Variants in SCN8A observed in about 807,000 individuals in gnomAD.
SCN8A encodes the protein sodium voltage-gated channel alpha subunit 8, also known as sodium channel protein type 8 subunit alpha.
A neutral mutation model predicts 184.1 loss-of-function variants in SCN8A; 30 were observed. That is an observed-to-expected ratio of 0.16 (90% confidence interval 0.12 to 0.22). The LOEUF (loss-of-function observed/expected upper bound fraction) is 0.22. Among genes scored for constraint, SCN8A ranks in the 10% least tolerant of loss-of-function variants. The pLI is 1.00. For synonymous variants in SCN8A, 852 were observed against 907.0 expected (o/e 0.94, Z 1.09); for missense variants, 1,057 against 2,498.9 (o/e 0.42, Z 12.30).
intron 6 of SCN8A, among the ~76,000 whole-genome samples, chr12:51,694,021 C>G (rs960365171): frequency 6.6e-6 from 1 of 152,214 alleles, no homozygotes; most frequent in African/African-American, 2.4e-5. Context: ...CAACCGCCAC[C>G]TCCTGGGTTC....
chr12:51,735,556 G>A (rs1183897113), intron 12 of SCN8A, among the ~76,000 whole-genome samples: 1 of 152,162 alleles, frequency 6.6e-6, no homozygotes, highest in Admixed American at 6.5e-5. Flanking sequence ...TCACGACAGT[G>A]GTGATAACCA....
intron 12 of SCN8A, among the ~76,000 whole-genome samples, chr12:51,727,490 A>G (rs1025555403): frequency 6.6e-6 from 1 of 152,076 alleles, no homozygotes; most frequent in Admixed American, 6.5e-5. Flanking sequence ...TTGGATCTCA[A>G]CATAGTTGGA....
At chr12:51,620,823 A>G (rs1939944357) in intron 1 of SCN8A, among the ~76,000 whole-genome samples, 1 of 150,898 alleles carries the variant, frequency 6.6e-6, no homozygotes, top group African/African-American at 2.5e-5. Flanking sequence ...CACCATCTCT[A>G]TTTAAAAAAA....
intron 14 of SCN8A, among the ~76,000 whole-genome samples, chr12:51,755,860 A>G (rs73299704): frequency 0.092 from 14,056 of 152,124 alleles, 1,293 homozygotes; most frequent in African/African-American, 0.24. Context: ...CCTCGTTGCC[A>G]CTATCTTTGG....
At chr12:51,712,891 C>A (rs1251782815) in intron 11 of SCN8A, 5 of 1,567,832 alleles carry the variant, frequency 3.2e-6, no homozygotes, top group Non-Finnish European at 3.5e-6. Context: ...GTTTCCACCA[C>A]GGCCAAAATT....
chr12:51,685,877 A>G (rs752955039), intron 3 of SCN8A, among the ~76,000 whole-genome samples: 16 of 152,218 alleles, frequency 1.1e-4, no homozygotes, highest in Admixed American at 8.5e-4. Context: ...TCTCTTAAAA[A>G]AGAACAACAA....
intron 20 of SCN8A, among the ~76,000 whole-genome samples, chr12:51,778,815 C>T (rs1937794994): frequency 6.6e-6 from 1 of 151,906 alleles, no homozygotes; most frequent in African/African-American, 2.4e-5. Context: ...AAAATATCAT[C>T]AATTTAAGTA....
intron 12 of SCN8A, among the ~76,000 whole-genome samples, chr12:51,737,562 A>G (rs1225926196): frequency 1.3e-5 from 2 of 152,216 alleles, no homozygotes; most frequent in Admixed American, 6.5e-5. Flanking sequence ...AAGTCATTTA[A>G]TGTTTTTAGT....
chr12:51,665,452 G>GAAA (rs1222507717), intron 2 of SCN8A, among the ~76,000 whole-genome samples: 2 of 152,100 alleles, frequency 1.3e-5, no homozygotes, highest in African/African-American at 4.8e-5. Context: ...CCACCATACA[G>GAAA]AAAAGCTCAT....
chr12:51,693,263 A>C (rs572244681), intron 6 of SCN8A, among the ~76,000 whole-genome samples: 1 of 152,252 alleles, frequency 6.6e-6, no homozygotes, highest in Admixed American at 6.5e-5. Context: ...TTGCCTTTGT[A>C]TTTCTCCTTT....
At chr12:51,733,402 T>C (rs1253103332) in intron 12 of SCN8A, among the ~76,000 whole-genome samples, 1 of 152,220 alleles carries the variant, frequency 6.6e-6, no homozygotes, top group Non-Finnish European at 1.5e-5. Context: ...CAGAGATAAA[T>C]CCAACTTGGT....
intron 1 of SCN8A, among the ~76,000 whole-genome samples, chr12:51,594,160 C>G (rs566833999): frequency 6.6e-6 from 1 of 152,348 alleles, no homozygotes; most frequent in East Asian, 1.9e-4. Flanking sequence ...ATACAGGAAT[C>G]TCCTTTATGG....
At chr12:51,599,187 T>C (rs1939412546) in intron 1 of SCN8A, among the ~76,000 whole-genome samples, 1 of 152,184 alleles carries the variant, frequency 6.6e-6, no homozygotes. Context: ...CTATGGGATA[T>C]ATAAAAGATA....
intron 6 of SCN8A, 31 bp downstream of exon 6, chr12:51,689,127 G>A (rs777424179): frequency 6.7e-7 from 1 of 1,488,966 alleles, no homozygotes; most frequent in South Asian, 1.2e-5. Flanking sequence ...GACTGACTTT[G>A]CCACATCTCC....
In SCN8A at chr12:51,810,521, C is replaced by T. The variant is rs1414749286; in HGVS notation, c.*3092C>T. The T allele has an allele frequency of 8.2e-6, 3 of 364,478 alleles. No individual in the cohort carries two copies. Among genetic ancestry groups the T allele is most frequent in the East Asian group, 9.8e-5 (1 of 10,160 alleles). The allele number at this position is 364,478 out of a possible 1,614,324, so 22.6% of individuals were successfully genotyped here. A position where few individuals can be genotyped will look rare whatever the true frequency, so the allele number is the denominator to read the frequency against. On this transcript the variant is annotated 3_prime_UTR_variant, in exon 27 of 27. Coordinates refer to ENST00000627620, the MANE Select transcript of SCN8A (RefSeq NM_001330260.2). ...GCAGCGCAGCCACAGTATCACTGCA[C>T]ATATATATATAGATATATAAATATA...
At chr12:51,613,744 A>G (rs1394997698) in intron 1 of SCN8A, among the ~76,000 whole-genome samples, 1 of 152,010 alleles carries the variant, frequency 6.6e-6, no homozygotes. Flanking sequence ...CCCTCTAGGT[A>G]CTGTTGTCCC....
At position 51,810,342 on chromosome 12, in the gene SCN8A, C is replaced by T. The variant is rs1938849995; in HGVS notation, c.*2913C>T. On this transcript the variant is annotated 3_prime_UTR_variant, in exon 27 of 27. Transcript: ENST00000627620. ...TCACTCTCTCACCCATCCTGCTCCACACTTCTTTGGTAGTAAATGACACCA... is the reference window on the plus strand; with the variant it reads ...TCACTCTCTCACCCATCCTGCTCCATACTTCTTTGGTAGTAAATGACACCA... The T allele has an allele frequency of 2.6e-6, 1 of 384,974 alleles. No individual in the cohort carries two copies. The highest frequency in any genetic ancestry group is 5.3e-6 in the Non-Finnish European group (1 of 189,158). 23.8% of individuals were successfully genotyped at this position (384,974 alleles called of 1,614,324 possible).
chr12:51,751,644 GTAGGA>G, intron 14 of SCN8A, 51 bp downstream of exon 14: 1 of 1,375,782 alleles, frequency 7.3e-7, no homozygotes, highest in Non-Finnish European at 1.0e-6. Flanking sequence ...TGTTTTGCCT[GTAGGA>G]TATCTTTTTC....
At chr12:51,725,641 G>A (rs1393689492) in intron 12 of SCN8A, among the ~76,000 whole-genome samples, 2 of 152,174 alleles carry the variant, frequency 1.3e-5, no homozygotes, top group African/African-American at 4.8e-5. Context: ...ATACCAAAAG[G>A]AACTTCCTGA....
Sources: allele counts gnomAD v4.1 joint callset (sites outside exome capture counted in the v4.1 genomes callset), GRCh38; gene constraint gnomAD v4.1.1; transcripts MANE v1.5; gene names NCBI Gene and HGNC (gene_info 2026-07-23, HGNC 2026-07-21).